The following CEP57L1 variants were observed in gnomAD, a reference collection of about 807,000 sequenced individuals.
The protein encoded by CEP57L1 is centrosomal protein CEP57L1.
In CEP57L1, 37 loss-of-function variants were observed where a neutral mutation model predicts 61.0. The observed-to-expected ratio is 0.61, with a 90% CI of 0.47 to 0.80. CEP57L1 has a LOEUF of 0.80. Ranked by LOEUF, CEP57L1 falls within the 30% of genes least tolerant of loss-of-function variation. The pLI is 0.00. For synonymous variants in CEP57L1, 137 were observed against 162.3 expected (o/e 0.84, Z 1.19); for missense variants, 422 against 524.7 (o/e 0.80, Z 1.91).
chr6:109,130,260 C>T (rs1284533768), intron 1 of CEP57L1, among the ~76,000 whole-genome samples: 3 of 152,078 alleles, frequency 2.0e-5, no homozygotes, highest in Admixed American at 6.6e-5. Context: ...TCTGTAAGTT[C>T]GACTACTTTA....
chr6:109,166,405 A>G lies in CEP57L1; in HGVS notation c.*3435A>G, dbSNP rs916204127. 1.3e-3 allele frequency among the ~76,000 whole-genome samples: 182 copies of G among 142,776 alleles called. 1 individual carries two copies. Among genetic ancestry groups the G allele is most frequent in the African/African-American group, 4.5e-3 (170 of 37,768 alleles). The allele number at this position is 142,776 out of a possible 152,430, so 93.7% of individuals were successfully genotyped here. A position where few individuals can be genotyped will look rare whatever the true frequency, so the allele number is the denominator to read the frequency against. On this transcript the variant is annotated 3_prime_UTR_variant, in exon 11 of 11. Transcript: ENST00000517392. Reference sequence around the variant, plus strand: ...TCTTTTTTTTTTTTTTTTGGTGGGCATGGAGTCTCGCTGTGTCACCCAGGC... The same window carrying G: ...TCTTTTTTTTTTTTTTTTGGTGGGCGTGGAGTCTCGCTGTGTCACCCAGGC...
At chr6:109,097,086 C>T (rs1781793745) in intron 1 of CEP57L1, among the ~76,000 whole-genome samples, 1 of 152,178 alleles carries the variant, frequency 6.6e-6, no homozygotes, top group South Asian at 2.1e-4. Context: ...CTTATTTCAG[C>T]AAAGGACACT....
chr6:109,137,381 G>A (rs779653192), intron 1 of CEP57L1, among the ~76,000 whole-genome samples: 38 of 151,680 alleles, frequency 2.5e-4, no homozygotes, highest in Non-Finnish European at 4.3e-4. Flanking sequence ...GGCTCACTGC[G>A]ACCTCTGCCT....
intron 1 of CEP57L1, among the ~76,000 whole-genome samples, chr6:109,101,616 CTTTTTTCTTTTT>C (rs1225682343): frequency 2.4e-5 from 3 of 126,526 alleles, no homozygotes; most frequent in Non-Finnish European, 3.6e-5. Context: ...TTTTCTTTTT[CTTTTTTCTTTTT>C]TTTTTTTTTT....
intron 1 of CEP57L1, among the ~76,000 whole-genome samples, chr6:109,098,226 C>T (rs1376929980): frequency 6.6e-6 from 1 of 152,036 alleles, no homozygotes; most frequent in Non-Finnish European, 1.5e-5. Flanking sequence ...TGGCTCACTG[C>T]AACCTCCACC....
At chr6:109,144,150 C>G (rs1448986789) in intron 1 of CEP57L1, among the ~76,000 whole-genome samples, 1 of 152,144 alleles carries the variant, frequency 6.6e-6, no homozygotes, top group East Asian at 1.9e-4. Flanking sequence ...TTAGACCAAT[C>G]AGAATGTTCT....
chr6:109,160,867 C>G lies in CEP57L1; in HGVS notation c.1161+151C>G, dbSNP rs1043571138. On this transcript the variant is annotated intron_variant, in intron 10 of 10. Coordinates refer to ENST00000517392, the MANE Select transcript of CEP57L1 (RefSeq NM_001271852.3). ...CCCTTAGGCCTATGACAGAATAGAG[C>G]CATCTGTCCCATTGGAATAACATGG... is the stretch of plus-strand genomic sequence containing the variant. 5 of 616,504 alleles carry G rather than the reference C, an allele frequency of 8.1e-6. No homozygotes were observed. In the Admixed American group the frequency reaches 1.3e-4, roughly 16 times the overall value. The allele number at this position is 616,504 out of a possible 1,614,324, so 38.2% of individuals were successfully genotyped here. A position where few individuals can be genotyped will look rare whatever the true frequency, so the allele number is the denominator to read the frequency against.
intron 1 of CEP57L1, among the ~76,000 whole-genome samples, chr6:109,096,847 T>C (rs1285386618): frequency 6.6e-6 from 1 of 152,226 alleles, no homozygotes; most frequent in Non-Finnish European, 1.5e-5. Flanking sequence ...GGTAGTTTCT[T>C]AAGGCTGGGT....
chr6:109,108,409 A>C (rs549892796), intron 1 of CEP57L1, among the ~76,000 whole-genome samples: 3 of 152,000 alleles, frequency 2.0e-5, no homozygotes. Context: ...ACAGGGTTTC[A>C]CTATTTTGGC....
At chr6:109,129,768 C>G (rs1333382650) in intron 1 of CEP57L1, among the ~76,000 whole-genome samples, 1 of 151,752 alleles carries the variant, frequency 6.6e-6, no homozygotes, top group African/African-American at 2.4e-5. Flanking sequence ...GTTGTTGTCA[C>G]CTCTACTTAT....
intron 1 of CEP57L1, among the ~76,000 whole-genome samples, chr6:109,114,632 C>T (rs189782655): frequency 5.9e-5 from 9 of 152,030 alleles, no homozygotes; most frequent in Admixed American, 2.0e-4. Context: ...CTAGAAAAGT[C>T]AAAATCATAG....
Position 109,125,492 on chromosome 6 carries a change from C to CTATATATATATATATA in CEP57L1, c.-3-19726_-3-19711dup, listed in dbSNP as rs3081793. On this transcript the variant is annotated intron_variant, in intron 1 of 10. Coordinates refer to ENST00000517392, the MANE Select transcript of CEP57L1 (RefSeq NM_001271852.3). ...TCTGAGTGCCATTAGTTTTTAAATG[C>CTATATATATATATATA]TATATATATATATATACATATATAT... Among the ~76,000 whole-genome samples the CTATATATATATATATA allele has an allele frequency of 1.9e-3, 278 of 142,862 alleles. 3 individuals are homozygous for CTATATATATATATATA. Among genetic ancestry groups the CTATATATATATATATA allele is most frequent in the African/African-American group, 7.0e-3 (268 of 38,386 alleles). The allele number at this position is 142,862 out of a possible 152,430, so 93.7% of individuals were successfully genotyped here. A position where few individuals can be genotyped will look rare whatever the true frequency, so the allele number is the denominator to read the frequency against.
chr6:109,101,547 A>G (rs552817227), intron 1 of CEP57L1, among the ~76,000 whole-genome samples: 2 of 152,272 alleles, frequency 1.3e-5, no homozygotes, highest in Non-Finnish European at 2.9e-5. Flanking sequence ...TCATCTAGGA[A>G]TATGATTGCT....
intron 1 of CEP57L1, among the ~76,000 whole-genome samples, chr6:109,113,038 G>A (rs1374952228): frequency 6.6e-6 from 1 of 152,118 alleles, no homozygotes; most frequent in African/African-American, 2.4e-5. Flanking sequence ...GCTTGGTCCA[G>A]AACTGAGTTC....
chr6:109,143,647 C>T (rs1771658061), intron 1 of CEP57L1, among the ~76,000 whole-genome samples: 1 of 152,042 alleles, frequency 6.6e-6, no homozygotes, highest in Non-Finnish European at 1.5e-5. Context: ...GTCATTATTT[C>T]ATATACATTA....
At chr6:109,123,383 A>G (rs1047510443) in intron 1 of CEP57L1, among the ~76,000 whole-genome samples, 3 of 152,162 alleles carry the variant, frequency 2.0e-5, no homozygotes, top group Non-Finnish European at 1.5e-5. Context: ...GCCCCTTAAT[A>G]GCTGCATGAC....
At position 109,167,940 on chromosome 6, in the gene CEP57L1, T is replaced by G; in HGVS notation, c.*4970T>G. ...CTACTATGGAATTCCGTTTTCAAGT[T>G]GCTTATAGTCTTGAGGAGAGATAAG... On this transcript the variant is annotated 3_prime_UTR_variant, in exon 11 of 11. Transcript: ENST00000517392. Among the ~76,000 whole-genome samples the G allele has an allele frequency of 6.6e-6, 1 of 152,222 alleles. No homozygotes were observed. The highest frequency in any genetic ancestry group is 1.9e-4 in the East Asian group (1 of 5,206).
At chr6:109,125,524 A>ATAT (rs1562524338) in intron 1 of CEP57L1, among the ~76,000 whole-genome samples, 31 of 142,994 alleles carry the variant, frequency 2.2e-4, no homozygotes, top group African/African-American at 7.6e-4. Context: ...ATATATATAT[A>ATAT]TTTTTTTTTT....
chr6:109,109,425 A>G (rs967868928), intron 1 of CEP57L1, among the ~76,000 whole-genome samples: 1 of 152,212 alleles, frequency 6.6e-6, no homozygotes. Flanking sequence ...AGTAATTTCA[A>G]TTAACATCCT....
Sources: allele counts gnomAD v4.1 joint callset (sites outside exome capture counted in the v4.1 genomes callset), GRCh38; gene constraint gnomAD v4.1.1; transcripts MANE v1.5; gene names NCBI Gene and HGNC (gene_info 2026-07-23, HGNC 2026-07-21).